The following NPAS3 variants were observed in gnomAD, a reference collection of about 807,000 sequenced individuals.
NPAS3 encodes neuronal PAS domain protein 3.
NPAS3 carries 14 observed loss-of-function variants against 73.1 expected under a neutral mutation model. The observed-to-expected ratio is 0.19, with a 90% confidence interval of 0.13 to 0.30. The LOEUF (loss-of-function observed/expected upper bound fraction) is 0.30, where lower values mean the gene tolerates loss of function less well. Ranked by LOEUF, NPAS3 falls within the 10% of genes least tolerant of loss-of-function variation. The pLI, the probability that NPAS3 is intolerant of heterozygous loss-of-function variation, is 1.00. For synonymous variants in NPAS3, 620 were observed against 541.5 expected, an observed-to-expected ratio of 1.14 and a Z score of -2.01; for missense variants, 1,096 against 1,250.0, an observed-to-expected ratio of 0.88 and a Z score of 1.86.
chr14:33,042,170 A>T (rs1277864127), intron 1 of NPAS3, among the ~76,000 whole-genome samples: 1 of 152,064 alleles, frequency 6.6e-6, no homozygotes, highest in Admixed American at 6.6e-5. Context: ...TCCTGGAAAA[A>T]TTTTGACTTC....
intron 6 of NPAS3, among the ~76,000 whole-genome samples, chr14:33,687,602 T>G (rs2140391935): frequency 6.6e-6 from 1 of 152,296 alleles, no homozygotes; most frequent in East Asian, 1.9e-4. Context: ...AGGTAGAAAC[T>G]TAATTGGTAA....
At chr14:33,704,996 G>C (rs1335809298) in intron 6 of NPAS3, among the ~76,000 whole-genome samples, 1 of 152,278 alleles carries the variant, frequency 6.6e-6, no homozygotes, top group South Asian at 2.1e-4. Flanking sequence ...GTCTGCCTTA[G>C]CAACTCACAA....
intron 4 of NPAS3, among the ~76,000 whole-genome samples, chr14:33,487,717 C>T (rs1313900559): frequency 1.3e-5 from 2 of 152,094 alleles, no homozygotes; most frequent in Non-Finnish European, 1.5e-5. Context: ...GTAAGCTTTT[C>T]GTGGAAAATG....
At chr14:33,479,218 A>C (rs898300285) in intron 4 of NPAS3, among the ~76,000 whole-genome samples, 3 of 152,168 alleles carry the variant, frequency 2.0e-5, no homozygotes, top group Admixed American at 2.0e-4. Context: ...GTTTATGAAG[A>C]GTATGCTTTT....
At chr14:33,089,613 G>A (rs137977607) in intron 2 of NPAS3, among the ~76,000 whole-genome samples, 9,260 of 152,158 alleles carry the variant, frequency 0.061, 390 homozygotes, top group Admixed American at 0.092. Flanking sequence ...AACCTAGCAG[G>A]CAGGCCAACA....
In NPAS3 at chr14:33,430,683, G is replaced by A. The variant is rs533621528; in HGVS notation, c.468+63415G>A. Among the ~76,000 whole-genome samples, 416 of 152,302 alleles carry A rather than the reference G, an allele frequency of 2.7e-3. 2 individuals are homozygous for A. The highest frequency in any genetic ancestry group is 4.6e-3 in the Non-Finnish European group (312 of 68,020). ...GCATCAGATCTCCTCAGACACTAAC[G>A]TGAGTGCCCAGGGAAGGTTGTAGAT... On this transcript the variant is annotated intron_variant, in intron 4 of 11. Transcript: ENST00000356141.
intron 2 of NPAS3, among the ~76,000 whole-genome samples, chr14:33,095,279 A>G (rs889916292): frequency 1.3e-5 from 2 of 152,224 alleles, no homozygotes; most frequent in Non-Finnish European, 2.9e-5. Flanking sequence ...ATCTGGGGAA[A>G]TTAATTCCCT....
chr14:33,079,710 C>G (rs1015324409), intron 2 of NPAS3, among the ~76,000 whole-genome samples: 1 of 134,720 alleles, frequency 7.4e-6, no homozygotes, highest in Non-Finnish European at 1.5e-5. Flanking sequence ...TTCCCAGGTT[C>G]AAGTGATTCT....
chr14:33,107,404 T>C (rs1223401242), intron 2 of NPAS3, among the ~76,000 whole-genome samples: 2 of 151,708 alleles, frequency 1.3e-5, no homozygotes, highest in African/African-American at 4.8e-5. Context: ...CCTTACCCTC[T>C]TCCTGTCTCC....
chr14:33,771,589 A>G (rs879460684), intron 7 of NPAS3, among the ~76,000 whole-genome samples: 3 of 152,110 alleles, frequency 2.0e-5, no homozygotes, highest in Non-Finnish European at 4.4e-5. Context: ...AGGCAGGAGG[A>G]TCACGAGATC....
chr14:33,198,400 T>G (rs1436666152), intron 2 of NPAS3, among the ~76,000 whole-genome samples: 1 of 152,210 alleles, frequency 6.6e-6, no homozygotes, highest in Admixed American at 6.5e-5. Flanking sequence ...GGGTGCTGAT[T>G]GGCAGATTTA....
chr14:33,200,424 A>G (rs1422304241), intron 2 of NPAS3, among the ~76,000 whole-genome samples: 1 of 152,050 alleles, frequency 6.6e-6, no homozygotes, highest in Non-Finnish European at 1.5e-5. Flanking sequence ...CTTTTCTTCT[A>G]AGTTCAGTTT....
intron 8 of NPAS3, 60 bp from the exon 9 acceptor site, chr14:33,778,406 T>G: frequency 8.3e-7 from 1 of 1,205,588 alleles, no homozygotes; most frequent in Middle Eastern, 2.1e-4. Flanking sequence ...TCTAAGTTAT[T>G]TGACAGTTTC....
intron 2 of NPAS3, among the ~76,000 whole-genome samples, chr14:33,098,116 C>A (rs185455451): frequency 8.7e-4 from 133 of 152,074 alleles, no homozygotes; most frequent in African/African-American, 3.0e-3. Flanking sequence ...CTTTTAGAAC[C>A]CTTTAGATAT....
intron 1 of NPAS3, among the ~76,000 whole-genome samples, chr14:32,987,581 A>T (rs1475123580): frequency 6.6e-6 from 1 of 152,188 alleles, no homozygotes; most frequent in Non-Finnish European, 1.5e-5. Context: ...GTAATATAGC[A>T]TTTTTCTTGA....
intron 1 of NPAS3, among the ~76,000 whole-genome samples, chr14:32,961,098 C>A (rs147036116): frequency 8.9e-4 from 135 of 152,154 alleles, no homozygotes; most frequent in East Asian, 5.8e-3. Context: ...AATTTGAAAC[C>A]TAATTACAAT....
intron 2 of NPAS3, among the ~76,000 whole-genome samples, chr14:33,163,628 T>G (rs1381692821): frequency 6.6e-6 from 1 of 151,138 alleles, no homozygotes; most frequent in East Asian, 1.9e-4. Flanking sequence ...TTGTTGTTTT[T>G]TTTTTTTTTT....
At chr14:33,556,125 G>GC (rs2055348923) in intron 4 of NPAS3, among the ~76,000 whole-genome samples, 2 of 152,158 alleles carry the variant, frequency 1.3e-5, no homozygotes, top group African/African-American at 2.4e-5. Context: ...CTGCTTAATA[G>GC]CATCAGATGT....
chr14:33,235,578 G>A (rs2048003864), intron 3 of NPAS3, among the ~76,000 whole-genome samples: 1 of 151,784 alleles, frequency 6.6e-6, no homozygotes, highest in South Asian at 2.1e-4. Flanking sequence ...TCTCTAAATA[G>A]GTAATATATA....
Sources: gnomAD v4.1 joint callset for allele counts (sites outside exome capture counted in the v4.1 genomes callset) on GRCh38, gnomAD v4.1.1 for gene constraint, MANE v1.5 for transcripts, NCBI Gene and HGNC (gene_info 2026-07-23, HGNC 2026-07-21) for gene names.